Variants in PTH2R observed in about 807,000 individuals in gnomAD.
The protein encoded by PTH2R is PTH2 receptor.
A neutral mutation model predicts 60.3 loss-of-function variants in PTH2R; 59 were observed. The observed-to-expected ratio is 0.98, with a 90% CI of 0.79 to 1.22. The LOEUF is 1.22. PTH2R is among the 50% of genes most tolerant of loss of function. PTH2R has a pLI of 0.00. For missense variants in PTH2R, 749 were observed against 682.6 expected, an observed-to-expected ratio of 1.10 and a Z score of -1.08; for synonymous variants, 256 against 243.8, an observed-to-expected ratio of 1.05 and a Z score of -0.47.
intron 1 of PTH2R, among the ~76,000 whole-genome samples, chr2:208,376,782 G>C (rs142059980): frequency 6.6e-6 from 1 of 151,664 alleles, no homozygotes; most frequent in African/African-American, 2.4e-5. Flanking sequence ...TCTGCAGCAC[G>C]TCACTCCCTC....
At chr2:208,444,998 A>G in intron 7 of PTH2R, 111 bp downstream of exon 7, 1 of 1,146,686 alleles carries the variant, frequency 8.7e-7, no homozygotes, top group Admixed American at 2.6e-5. Context: ...AATCCCTCCC[A>G]TTCTTATTTT....
chr2:208,399,883 A>G (rs1701276434), intron 1 of PTH2R, among the ~76,000 whole-genome samples: 1 of 152,244 alleles, frequency 6.6e-6, no homozygotes, highest in South Asian at 2.1e-4. Flanking sequence ...TTTCTGATAG[A>G]GAAAAGTTCA....
chr2:208,435,564 G>T (rs935933598), intron 2 of PTH2R, among the ~76,000 whole-genome samples: 1 of 152,164 alleles, frequency 6.6e-6, no homozygotes, highest in Non-Finnish European at 1.5e-5. Flanking sequence ...TGCTGACTTC[G>T]AAGATGGAAG....
At chr2:208,470,661 A>G (rs1702862162) in intron 9 of PTH2R, among the ~76,000 whole-genome samples, 2 of 151,200 alleles carry the variant, frequency 1.3e-5, no homozygotes, top group Admixed American at 1.3e-4. Flanking sequence ...TTTTCTTCCT[A>G]TTCTCAGGTA....
intron 1 of PTH2R, among the ~76,000 whole-genome samples, chr2:208,362,016 G>C (rs1430606244): frequency 2.0e-5 from 3 of 152,132 alleles, no homozygotes; most frequent in Non-Finnish European, 2.9e-5. Flanking sequence ...AATGTGGATG[G>C]GCCAGAACAA....
At chr2:208,408,728 G>GAGAGAGAGAA (rs1701472909) in intron 1 of PTH2R, among the ~76,000 whole-genome samples, 1 of 51,164 alleles carries the variant, frequency 2.0e-5, no homozygotes, top group African/African-American at 4.1e-5. Context: ...AGGAAAGAGA[G>GAGAGAGAGAA]AGAGAGAGAG....
intron 1 of PTH2R, among the ~76,000 whole-genome samples, chr2:208,372,676 G>C (rs1296463634): frequency 6.6e-6 from 1 of 151,958 alleles, no homozygotes; most frequent in Non-Finnish European, 1.5e-5. Context: ...GCTTACTCTA[G>C]GCAATAGTTA....
In PTH2R at chr2:208,464,162, T is replaced by C. The variant is rs547211336; in HGVS notation, c.981+4201T>C. ...TGAAAAAGTTATTAAGCTCTCACTTTTGTAATTTTCCAGGTAAACCATTCC... is the reference window on the plus strand; with the variant it reads ...TGAAAAAGTTATTAAGCTCTCACTTCTGTAATTTTCCAGGTAAACCATTCC... On this transcript the variant is annotated intron_variant, in intron 9 of 12. Coordinates refer to ENST00000272847, the MANE Select transcript of PTH2R (RefSeq NM_005048.4). 3.8e-4 allele frequency among the ~76,000 whole-genome samples: 58 copies of C among 152,378 alleles called. No homozygotes were observed. The South Asian group carries it at 8.9e-3, about 23-fold the overall frequency.
intron 1 of PTH2R, among the ~76,000 whole-genome samples, chr2:208,418,250 A>G (rs1701681915): frequency 6.6e-6 from 1 of 152,164 alleles, no homozygotes; most frequent in Non-Finnish European, 1.5e-5. Flanking sequence ...CATTAAATAA[A>G]TGAAGAAATA....
chr2:208,400,534 TC>T (rs894180891), intron 1 of PTH2R, among the ~76,000 whole-genome samples: 1 of 152,180 alleles, frequency 6.6e-6, no homozygotes, highest in African/African-American at 2.4e-5. Flanking sequence ...AATAGCAACA[TC>T]CGGATCACTA....
At chr2:208,424,308 T>A (rs2105850168) in intron 1 of PTH2R, among the ~76,000 whole-genome samples, 1 of 152,262 alleles carries the variant, frequency 6.6e-6, no homozygotes, top group Non-Finnish European at 1.5e-5. Flanking sequence ...TCATTTTGGG[T>A]TGGGTTTGTG....
At chr2:208,482,954 C>G (rs1168415185) in intron 10 of PTH2R, among the ~76,000 whole-genome samples, 8 of 152,216 alleles carry the variant, frequency 5.3e-5, no homozygotes, top group Non-Finnish European at 1.2e-4. Flanking sequence ...GGAAGCACAT[C>G]ACGTGCTGTT....
chr2:208,474,780 A>G (rs1702962771), intron 9 of PTH2R, among the ~76,000 whole-genome samples: 1 of 152,252 alleles, frequency 6.6e-6, no homozygotes, highest in Admixed American at 6.5e-5. Context: ...TAGAGGTGTT[A>G]TGATGGATGG....
intron 4 of PTH2R, 102 bp from the exon 5 acceptor site, chr2:208,442,262 A>T: frequency 1.1e-6 from 1 of 875,294 alleles, no homozygotes; most frequent in Non-Finnish European, 1.9e-6. Context: ...TAAAAAAGTT[A>T]AAGAGAATTA....
chr2:208,422,851 T>C (rs550687975), intron 1 of PTH2R, among the ~76,000 whole-genome samples: 1 of 152,272 alleles, frequency 6.6e-6, no homozygotes, highest in African/African-American at 2.4e-5. Context: ...CAGAACACTT[T>C]CTTCCCAGAA....
intron 1 of PTH2R, among the ~76,000 whole-genome samples, chr2:208,391,791 G>A (rs1174822548): frequency 1.3e-5 from 2 of 152,164 alleles, no homozygotes; most frequent in African/African-American, 2.4e-5. Flanking sequence ...ACTAAGCCTA[G>A]GTACTTCACT....
At chr2:208,379,089 A>G (rs188117466) in intron 1 of PTH2R, among the ~76,000 whole-genome samples, 1 of 152,296 alleles carries the variant, frequency 6.6e-6, no homozygotes, top group African/African-American at 2.4e-5. Context: ...TTTCTTGGGC[A>G]GTTTTCAAAG....
chr2:208,401,487 G>A (rs1218019042), intron 1 of PTH2R, among the ~76,000 whole-genome samples: 6 of 149,942 alleles, frequency 4.0e-5, no homozygotes, highest in Non-Finnish European at 4.4e-5. Flanking sequence ...CTTCCAAACC[G>A]CTCAGTGATC....
At chr2:208,460,923 T>G (rs1445330142) in intron 9 of PTH2R, among the ~76,000 whole-genome samples, 3 of 152,180 alleles carry the variant, frequency 2.0e-5, no homozygotes, top group Non-Finnish European at 4.4e-5. Context: ...TTGGACAATG[T>G]GTCACCTACT....
Sources: gnomAD v4.1 joint callset for allele counts (sites outside exome capture counted in the v4.1 genomes callset) on GRCh38, gnomAD v4.1.1 for gene constraint, MANE v1.5 for transcripts, NCBI Gene and HGNC (gene_info 2026-07-23, HGNC 2026-07-21) for gene names.